Variants in STK11 observed in about 807,000 individuals in gnomAD.
STK11 encodes the protein serine/threonine-protein kinase STK11.
STK11 carries 8 observed loss-of-function variants against 47.3 expected under a neutral mutation model. The observed-to-expected ratio is 0.17, with a 90% CI of 0.10 to 0.31. The LOEUF (loss-of-function observed/expected upper bound fraction) is 0.31, where lower values mean the gene tolerates loss of function less well. Among genes scored for constraint, STK11 ranks in the 10% least tolerant of loss-of-function variants. The probability of loss-of-function intolerance (pLI) is 1.00; values close to 1 mark genes in which losing one functional copy is unlikely to be tolerated. For synonymous variants in STK11, 330 were observed against 255.8 expected (o/e 1.29, Z -2.77); for missense variants, 475 against 605.0 (o/e 0.79, Z 2.25).
Position 1,221,204 on chromosome 19 carries a change from G to C in STK11, c.735-9G>C, listed in dbSNP as rs201899557. ...GACCACGCCTTTCTTCCCTCCCCTCGAAATGAAGCTACAACATCACCACGG... is the reference window on the plus strand; with the variant it reads ...GACCACGCCTTTCTTCCCTCCCCTCCAAATGAAGCTACAACATCACCACGG... On this transcript the variant is annotated splice_polypyrimidine_tract_variant and intron_variant, in intron 5 of 9. Coordinates refer to ENST00000326873, the MANE Select transcript of STK11 (RefSeq NM_000455.5). 3 of 1,611,214 alleles carry C rather than the reference G, an allele frequency of 1.9e-6. No homozygotes were observed. The highest frequency in any genetic ancestry group is 2.5e-6 in the Non-Finnish European group (3 of 1,178,730).
At chr19:1,210,013 CT>C (rs1447486790) in intron 1 of STK11, among the ~76,000 whole-genome samples, 2 of 152,194 alleles carry the variant, frequency 1.3e-5, no homozygotes, top group Non-Finnish European at 2.9e-5. Context: ...TGTGTAACGG[CT>C]TTGCCCTTGC....
intron 1 of STK11, among the ~76,000 whole-genome samples, chr19:1,207,800 C>G (rs2145406985): frequency 6.6e-6 from 1 of 152,354 alleles, no homozygotes; most frequent in South Asian, 2.1e-4. Flanking sequence ...GGGCTGGAAG[C>G]CCTGCCCGAG....
rs1248289980 is a variant in STK11, at chr19:1,222,006, G to A, written c.920G>A (p.Ser307Asn). 1 of 1,569,844 alleles carries A rather than the reference G, an allele frequency of 6.4e-7. No homozygotes were observed. Among genetic ancestry groups the A allele is most frequent in the Non-Finnish European group, 8.6e-7 (1 of 1,158,362 alleles). Residue 307 changes from serine (S) to asparagine (N), a missense_variant and splice_region_variant, in exon 7 of 10, where the codon AGC (serine) becomes AAC (asparagine). Around this residue, in one of 5 missense-constraint regions of STK11, gnomAD observed 219 missense variants for 189.2 expected, o/e 1.16. Coordinates refer to ENST00000326873, the MANE Select transcript of STK11 (RefSeq NM_000455.5). Reference protein sequence around the residue: ...RFSIRQIRQHSWFRKKHPPAE... With the variant: ...RFSIRQIRQHNWFRKKHPPAE... ...TCCATCCGGCAGATCCGGCAGCACA[G>A]GTGAGCGGCCCCTGGGGGCAGTGGG...
At chr19:1,214,624 G>A (rs771350345) in intron 1 of STK11, among the ~76,000 whole-genome samples, 4 of 152,184 alleles carry the variant, frequency 2.6e-5, no homozygotes, top group Non-Finnish European at 5.9e-5. Flanking sequence ...GGGCCGTGCA[G>A]CCTCCCGAGC....
At position 1,220,766 on chromosome 19, in the gene STK11, G is replaced by A. The variant is rs371812003; in HGVS notation, c.734+49G>A. 274 of 1,557,326 alleles carry A rather than the reference G, an allele frequency of 1.8e-4. No individual in the cohort carries two copies. In the African/African-American group the frequency reaches 3.4e-3, roughly 19 times the overall value. Reference sequence around the variant, plus strand: ...ACTCACCACACGCACACTCCGAGGGGCCTCTGCGTCTTGGGCAGCTGCCGG... The same window carrying A: ...ACTCACCACACGCACACTCCGAGGGACCTCTGCGTCTTGGGCAGCTGCCGG... On this transcript the variant is annotated intron_variant, in intron 5 of 9. Coordinates refer to ENST00000326873, the MANE Select transcript of STK11 (RefSeq NM_000455.5).
intron 8 of STK11, chr19:1,225,943 G>C: frequency 1.0e-6 from 1 of 993,044 alleles, no homozygotes; most frequent in Non-Finnish European, 1.2e-6. Context: ...AGGGACTGGG[G>C]GCAGCTGGGG....
At chr19:1,224,209 G>C (rs1359141933) in intron 8 of STK11, 1 of 985,032 alleles carries the variant, frequency 1.0e-6, no homozygotes. Context: ...TACAGTGTCT[G>C]GGGGCCCCCC....
chr19:1,219,262 C>T (rs2145421917), intron 2 of STK11, 62 bp from the exon 3 acceptor site: 1 of 1,539,934 alleles, frequency 6.5e-7, no homozygotes, highest in Non-Finnish European at 8.8e-7. Context: ...TTTTCTGGCC[C>T]CCGTGCTCCC....
At chr19:1,216,058 C>CT (rs1205849550) in intron 1 of STK11, among the ~76,000 whole-genome samples, 1 of 151,674 alleles carries the variant, frequency 6.6e-6, no homozygotes, top group Non-Finnish European at 1.5e-5. Context: ...ATGCTCCATG[C>CT]TTGGGCTTCC....
intron 1 of STK11, chr19:1,216,228 G>A: frequency 6.0e-6 from 1 of 166,536 alleles, no homozygotes. Context: ...CCAAAAGCAA[G>A]CCCCATTCCC....
chr19:1,222,456 C>T (rs1040272591), intron 7 of STK11, among the ~76,000 whole-genome samples: 1 of 152,200 alleles, frequency 6.6e-6, no homozygotes. Context: ...GGGCTCTGCT[C>T]CTCTGCACCA....
rs775284754 is a variant in STK11 at position 1,212,273 on chromosome 19, CTTTTTTTTTTTTT to C, written c.290+5085_290+5097del. On this transcript the variant is annotated intron_variant, in intron 1 of 9. Coordinates refer to ENST00000326873, the MANE Select transcript of STK11 (RefSeq NM_000455.5). Reference sequence around the variant, plus strand: ...AAACTGGACTCAATTTTCTTAACACCTTTTTTTTTTTTTTTTTTTTTTTTTTTGGAGACAGGGT... The same window carrying C: ...AAACTGGACTCAATTTTCTTAACACCTTTTTTTTTTTTTTGGAGACAGGGT... 2.1e-3 allele frequency among the ~76,000 whole-genome samples: 190 copies of C among 89,856 alleles called. 2 individuals carry two copies. Among genetic ancestry groups the C allele is most frequent in the African/African-American group, 0.011 (180 of 17,048 alleles). The allele number at this position is 89,856 out of a possible 152,430, so 58.9% of individuals were successfully genotyped here.
rs903142806 is a variant in STK11, at chr19:1,228,059, C to CTTT, written c.*492_*494dup. 4 of 836,074 alleles carry CTTT rather than the reference C, an allele frequency of 4.8e-6. No homozygotes were observed. Among genetic ancestry groups the CTTT allele is most frequent in the Non-Finnish European group, 4.4e-6 (3 of 682,490 alleles). 51.8% of individuals were successfully genotyped at this position (836,074 alleles called of 1,614,324 possible). A position where few individuals can be genotyped will look rare whatever the true frequency, so the allele number is the denominator to read the frequency against. ...TTGGTTGGTTCCATTTTCTTTTTTT[C>CTTT]TTTTTTTTTTTAAGAAAAAATAAAA... is the stretch of plus-strand genomic sequence containing the variant. On this transcript the variant is annotated 3_prime_UTR_variant, in exon 10 of 10. Transcript: ENST00000326873.
At chr19:1,222,856 A>ACC (rs1258065648) in intron 7 of STK11, 129 bp from the exon 8 acceptor site, 2 of 1,097,132 alleles carry the variant, frequency 1.8e-6, no homozygotes, top group African/African-American at 3.2e-5. Context: ...GGTCACAGCC[A>ACC]CCCCTTGCAC....
At position 1,223,030 on chromosome 19, in the gene STK11, CCCA is replaced by C. The variant is rs876660268; in HGVS notation, c.969_971del (p.Pro324del). The C allele has an allele frequency of 6.3e-7, 1 of 1,591,270 alleles. No homozygotes were observed. The highest frequency in any genetic ancestry group is 1.3e-5 in the African/African-American group (1 of 74,426). ...CTCCGGCTGAAGCACCAGTGCCCAT[CCCA>C]CCGAGCCCAGACACCAAGGACCGGT... On this transcript the variant is annotated inframe_deletion, in exon 8 of 10. Transcript: ENST00000326873.
intron 1 of STK11, among the ~76,000 whole-genome samples, chr19:1,214,643 C>T (rs901541153): frequency 2.0e-5 from 3 of 152,198 alleles, no homozygotes; most frequent in African/African-American, 4.8e-5. Context: ...GCGGCCCCCA[C>T]GAGGCTCTGA....
intron 1 of STK11, among the ~76,000 whole-genome samples, chr19:1,214,129 G>A (rs1011464951): frequency 6.6e-6 from 1 of 152,212 alleles, no homozygotes; most frequent in African/African-American, 2.4e-5. Context: ...GGCTCTTCCT[G>A]TTCCTCGCCA....
chr19:1,221,821 G>A lies in STK11; in HGVS notation c.863-128G>A, dbSNP rs1347197466. 1.1e-5 allele frequency: 12 copies of A among 1,080,484 alleles called. No individual in the cohort carries two copies. The East Asian group carries it at 1.6e-4, about 14-fold the overall frequency. The allele number at this position is 1,080,484 out of a possible 1,614,324, so 66.9% of individuals were successfully genotyped here. On this transcript the variant is annotated intron_variant, in intron 6 of 9. Coordinates refer to ENST00000326873, the MANE Select transcript of STK11 (RefSeq NM_000455.5). ...CCTCTGTCAGGGAGACCGCCTGTGC[G>A]CGGGGTCCCCCTTAGGAGCGTCCAG... is the stretch of plus-strand genomic sequence containing the variant.
rs2080669295 is a variant in STK11, at chr19:1,206,884, G to C, written c.-30G>C. ...CCGCTCACCCGCGGACTCAGGGCTG[G>C]CGGCGGGACTCCAGGACCCTGGGTC... On this transcript the variant is annotated 5_prime_UTR_variant, in exon 1 of 10. Coordinates refer to ENST00000326873, the MANE Select transcript of STK11 (RefSeq NM_000455.5). 2 of 1,540,778 alleles carry C rather than the reference G, an allele frequency of 1.3e-6. No individual in the cohort carries two copies.
Sources: allele counts gnomAD v4.1 joint callset (sites outside exome capture counted in the v4.1 genomes callset), GRCh38; gene constraint gnomAD v4.1.1; regional missense constraint gnomAD v4.1.1; transcripts MANE v1.5; gene names NCBI Gene and HGNC (gene_info 2026-07-23, HGNC 2026-07-21).